The following IQSEC1 variants were observed in gnomAD, a reference collection of about 807,000 sequenced individuals.
IQSEC1 encodes the protein IQ motif and SEC7 domain-containing protein 1.
Under a neutral mutation model 91.0 loss-of-function variants are expected in IQSEC1, and 31 were observed. That is an observed-to-expected ratio of 0.34 (90% CI 0.26 to 0.46). The LOEUF (loss-of-function observed/expected upper bound fraction) is 0.46. Ranked by LOEUF, IQSEC1 falls within the 20% of genes least tolerant of loss-of-function variation. The pLI is 1.00. For missense variants in IQSEC1, 1,388 were observed against 1,575.6 expected, an observed-to-expected ratio of 0.88 and a Z score of 2.02; for synonymous variants, 699 against 662.6, an observed-to-expected ratio of 1.05 and a Z score of -0.84.
At chr3:13,029,499 T>C (rs1296202055) in intron 1 of IQSEC1, among the ~76,000 whole-genome samples, 1 of 152,202 alleles carries the variant, frequency 6.6e-6, no homozygotes, top group Non-Finnish European at 1.5e-5. Context: ...CCTAAATCCT[T>C]TTTGTTGCAG....
chr3:12,935,571 C>G lies in IQSEC1; in HGVS notation c.1445G>C (p.Arg482Pro), dbSNP rs760589697. 1.9e-6 allele frequency: 3 copies of G among 1,613,970 alleles called. No individual in the cohort carries two copies. The Admixed American group carries it at 5.0e-5, about 27-fold the overall frequency. ...SSESSSRDSL[R>P]EQTLSKQTYH... ...GGTCTGCTTGCTGAGCGTCTGCTCC[C>G]GCAGGCTGTCACGGGACGATGACTC... is the stretch of plus-strand genomic sequence containing the variant. The change falls in exon 3 of 14, where the codon CGG (arginine) becomes CCG (proline). Residue 482 changes from arginine to proline, a missense_variant. By Grantham distance (103) the Arg-to-Pro change is moderately radical (BLOSUM62 -2). Around this residue, in one of 2 missense-constraint regions of IQSEC1, gnomAD observed 1,059 missense variants for 1,317.8 expected, o/e 0.80. Coordinates refer to ENST00000613206, the MANE Select transcript of IQSEC1 (RefSeq NM_001134382.3). The surrounding 1 kb of genome is among the most constrained non-coding windows in gnomAD (Gnocchi z 8.0).
At chr3:13,037,534 G>A (rs1704080679) in intron 1 of IQSEC1, among the ~76,000 whole-genome samples, 1 of 152,126 alleles carries the variant, frequency 6.6e-6, no homozygotes, top group Non-Finnish European at 1.5e-5. Context: ...GAAAAAACAA[G>A]GTGCACCTTG....
intron 1 of IQSEC1, among the ~76,000 whole-genome samples, chr3:13,190,284 C>T (rs1279626599): frequency 2.6e-5 from 4 of 152,174 alleles, no homozygotes; most frequent in Admixed American, 6.5e-5. Context: ...TCCATGAGTG[C>T]GAGTGGGGCC....
intron 1 of IQSEC1, among the ~76,000 whole-genome samples, chr3:13,170,234 G>A (rs1180242180): frequency 2.0e-5 from 3 of 152,266 alleles, no homozygotes; most frequent in Non-Finnish European, 4.4e-5. Flanking sequence ...AGCTGTGGCA[G>A]CTTCCATGTG....
chr3:13,252,525 G>C (rs7622034), intron 1 of IQSEC1, among the ~76,000 whole-genome samples: 57,352 of 152,038 alleles, frequency 0.38, 13,966 homozygotes, highest in African/African-American at 0.7. Flanking sequence ...GTATCTCTTC[G>C]ACGCCCCGCG....
intron 2 of IQSEC1, among the ~76,000 whole-genome samples, chr3:13,131,619 TG>T (rs1026071998): frequency 6.6e-6 from 1 of 151,752 alleles, no homozygotes; most frequent in African/African-American, 2.4e-5. Context: ...CCCAAGTAGC[TG>T]GGATCACAGG....
chr3:13,111,328 C>T (rs1013024208), intron 2 of IQSEC1, among the ~76,000 whole-genome samples: 1 of 152,198 alleles, frequency 6.6e-6, no homozygotes, highest in Non-Finnish European at 1.5e-5. Context: ...CCTTGGCAGC[C>T]TCGTGGGTGG....
chr3:13,129,411 T>G (rs1706569097), intron 2 of IQSEC1, among the ~76,000 whole-genome samples: 1 of 152,214 alleles, frequency 6.6e-6, no homozygotes, highest in African/African-American at 2.4e-5. Context: ...TTACTTTCAC[T>G]GGTCTTCTCA....
At chr3:12,911,291 G>A (rs1022760225) in intron 10 of IQSEC1, among the ~76,000 whole-genome samples, 1 of 152,218 alleles carries the variant, frequency 6.6e-6, no homozygotes, top group Admixed American at 6.5e-5. Context: ...TCTGGGCCAT[G>A]TTTGCATATC....
rs114943893 is a variant in IQSEC1, at chr3:13,107,578, A to G, written c.302+56526T>C. ...TTTCAACCAAGGCTGGTTTCATCAT[A>G]CACATTCCAAGAAGAGGCTTTGCTC... is the stretch of plus-strand genomic sequence containing the variant. On this transcript the variant is annotated intron_variant, in intron 2 of 15. Coordinates refer to the IQSEC1 transcript ENST00000648114. 3.9e-3 allele frequency among the ~76,000 whole-genome samples: 598 copies of G among 152,338 alleles called. 4 individuals are homozygous for G. Among genetic ancestry groups the G allele is most frequent in the Non-Finnish European group, 5.8e-3 (396 of 68,022 alleles).
At chr3:13,171,621 G>A (rs751102539) in intron 1 of IQSEC1, among the ~76,000 whole-genome samples, 7 of 152,114 alleles carry the variant, frequency 4.6e-5, no homozygotes, top group South Asian at 2.1e-4. Flanking sequence ...GAGTGTCTGC[G>A]CTAGTGCTCA....
chr3:13,117,569 C>CAAA (rs34002295), intron 2 of IQSEC1, among the ~76,000 whole-genome samples: 167 of 9,458 alleles, frequency 0.018, 48 homozygotes, highest in African/African-American at 0.063. Flanking sequence ...GACTCCGTCT[C>CAAA]AAAAAAAAAA....
At chr3:13,124,707 CG>C (rs1706481781) in intron 2 of IQSEC1, among the ~76,000 whole-genome samples, 1 of 152,156 alleles carries the variant, frequency 6.6e-6, no homozygotes, top group Non-Finnish European at 1.5e-5. Context: ...GTACTTGGCT[CG>C]GGGGCCCCGC....
intron 2 of IQSEC1, among the ~76,000 whole-genome samples, chr3:13,114,973 T>C (rs1706311713): frequency 6.6e-6 from 1 of 151,434 alleles, no homozygotes; most frequent in Non-Finnish European, 1.5e-5. Flanking sequence ...CGTGGGTGAG[T>C]GAGGCAGGAC....
intron 1 of IQSEC1, among the ~76,000 whole-genome samples, chr3:13,219,576 C>T (rs1418815468): frequency 1.3e-5 from 2 of 152,244 alleles, no homozygotes; most frequent in African/African-American, 4.8e-5. Flanking sequence ...ACCCACCCGG[C>T]GGTCTTCGGG....
chr3:12,947,346 C>T (rs1699249591), intron 1 of IQSEC1, among the ~76,000 whole-genome samples: 1 of 152,172 alleles, frequency 6.6e-6, no homozygotes, highest in Non-Finnish European at 1.5e-5. Context: ...CAAGGGACTC[C>T]AATCCTGGCT....
chr3:13,119,941 T>C (rs1479016763), intron 2 of IQSEC1, among the ~76,000 whole-genome samples: 1 of 152,200 alleles, frequency 6.6e-6, no homozygotes, highest in Non-Finnish European at 1.5e-5. Context: ...TCTGCAGTTC[T>C]CTGTAGCTCT....
chr3:13,142,281 G>C (rs540362025), intron 2 of IQSEC1, among the ~76,000 whole-genome samples: 1 of 152,248 alleles, frequency 6.6e-6, no homozygotes. Context: ...CCCAGAGAGG[G>C]GAAGGGCTTC....
intron 1 of IQSEC1, among the ~76,000 whole-genome samples, chr3:13,208,544 A>G (rs1372164876): frequency 4.0e-5 from 6 of 151,690 alleles, no homozygotes; most frequent in Admixed American, 3.9e-4. Context: ...AGCCCCTCAA[A>G]CCCACATCTG....
Sources: allele counts gnomAD v4.1 joint callset (sites outside exome capture counted in the v4.1 genomes callset), GRCh38; gene constraint gnomAD v4.1.1; regional missense constraint gnomAD v4.1.1; non-coding constraint Gnocchi (gnomAD v3.1); transcripts MANE v1.5; gene names NCBI Gene and HGNC (gene_info 2026-07-23, HGNC 2026-07-21).